Variants in NKAIN2 observed in about 807,000 individuals in gnomAD.
The protein encoded by NKAIN2 is sodium/potassium-transporting ATPase subunit beta-1-interacting protein 2.
Under a neutral mutation model 32.6 loss-of-function variants are expected in NKAIN2, and 14 were observed. The ratio of observed to expected loss-of-function variants is 0.43; its 90% confidence interval spans 0.28 to 0.67. The LOEUF (loss-of-function observed/expected upper bound fraction) is 0.67, where lower values mean the gene tolerates loss of function less well. Ranked by LOEUF, NKAIN2 falls within the 30% of genes least tolerant of loss-of-function variation. The probability of loss-of-function intolerance (pLI) is 0.17; values close to 1 mark genes in which losing one functional copy is unlikely to be tolerated. For synonymous variants in NKAIN2, 80 were observed against 87.2 expected (o/e 0.92, Z 0.46); for missense variants, 198 against 258.3 (o/e 0.77, Z 1.60).
intron 4 of NKAIN2, among the ~76,000 whole-genome samples, chr6:124,701,499 C>A (rs1268567066): frequency 6.6e-6 from 1 of 151,950 alleles, no homozygotes; most frequent in Non-Finnish European, 1.5e-5. Flanking sequence ...TTAAACAATA[C>A]AAACTGGCAC....
At chr6:124,701,878 C>A in intron 4 of NKAIN2, among the ~76,000 whole-genome samples, 1 of 151,990 alleles carries the variant, frequency 6.6e-6, no homozygotes, top group South Asian at 2.1e-4. Context: ...ATAAAGACAT[C>A]ACAAATTTTT....
chr6:124,752,581 G>T (rs1271758260), intron 4 of NKAIN2, among the ~76,000 whole-genome samples: 1 of 151,744 alleles, frequency 6.6e-6, no homozygotes, highest in Non-Finnish European at 1.5e-5. Flanking sequence ...CTGCATGTTT[G>T]GGGAGTGTAA....
At chr6:124,270,077 G>C (rs372134582) in intron 1 of NKAIN2, among the ~76,000 whole-genome samples, 14 of 152,148 alleles carry the variant, frequency 9.2e-5, no homozygotes, top group South Asian at 8.3e-4. Flanking sequence ...GGAGACAGAG[G>C]AGACACCAGC....
At chr6:124,348,505 C>T (rs1009146716) in intron 2 of NKAIN2, among the ~76,000 whole-genome samples, 1 of 152,234 alleles carries the variant, frequency 6.6e-6, no homozygotes. Context: ...AGCTTCCTGG[C>T]TGCTTTGTTT....
chr6:124,472,369 T>C (rs578234094), intron 3 of NKAIN2, among the ~76,000 whole-genome samples: 2 of 152,234 alleles, frequency 1.3e-5, no homozygotes, highest in East Asian at 1.9e-4. Context: ...ACATAGTATA[T>C]AGAGAGCAAA....
At chr6:124,168,458 G>A (rs1451533359) in intron 1 of NKAIN2, among the ~76,000 whole-genome samples, 1 of 152,002 alleles carries the variant, frequency 6.6e-6, no homozygotes, top group African/African-American at 2.4e-5. Flanking sequence ...ATGGAATATT[G>A]AAATATTAAA....
chr6:124,432,036 C>T (rs1277322689), intron 3 of NKAIN2, among the ~76,000 whole-genome samples: 5 of 152,130 alleles, frequency 3.3e-5, no homozygotes, highest in Non-Finnish European at 7.3e-5. Context: ...CTTTGTTAAA[C>T]TCCCTTCTTA....
At chr6:124,725,581 T>C (rs1776242641) in intron 4 of NKAIN2, among the ~76,000 whole-genome samples, 1 of 152,200 alleles carries the variant, frequency 6.6e-6, no homozygotes, top group Admixed American at 6.5e-5. Context: ...ACTTGGCCAT[T>C]ACATTTCCTT....
chr6:123,958,679 T>TAGCA (rs1777708426), intron 1 of NKAIN2, among the ~76,000 whole-genome samples: 1 of 152,238 alleles, frequency 6.6e-6, no homozygotes, highest in African/African-American at 2.4e-5. Flanking sequence ...CAGACCGTAA[T>TAGCA]AGCAAGCACT....
At chr6:124,155,648 G>C (rs577230216) in intron 1 of NKAIN2, among the ~76,000 whole-genome samples, 1 of 149,602 alleles carries the variant, frequency 6.7e-6, no homozygotes, top group Non-Finnish European at 1.5e-5. Flanking sequence ...ATTTTGATAT[G>C]ATTTAACAAT....
chr6:124,614,201 C>T (rs997978436), intron 3 of NKAIN2, among the ~76,000 whole-genome samples: 8 of 152,152 alleles, frequency 5.3e-5, no homozygotes. Context: ...CGAGACCAGC[C>T]TGGCCAACAT....
chr6:124,635,136 C>T (rs550329527), intron 3 of NKAIN2, among the ~76,000 whole-genome samples: 1 of 152,014 alleles, frequency 6.6e-6, no homozygotes, highest in African/African-American at 2.4e-5. Flanking sequence ...CTATGCACAG[C>T]ATGGCTATTC....
At chr6:124,144,056 T>C (rs1787270363) in intron 1 of NKAIN2, among the ~76,000 whole-genome samples, 1 of 152,194 alleles carries the variant, frequency 6.6e-6, no homozygotes, top group Non-Finnish European at 1.5e-5. Context: ...TGAAGACAAT[T>C]TAATGAAGAG....
chr6:124,771,210 A>G (rs1334224850), intron 4 of NKAIN2, among the ~76,000 whole-genome samples: 1 of 152,174 alleles, frequency 6.6e-6, no homozygotes, highest in Non-Finnish European at 1.5e-5. Context: ...AGTAGAACAA[A>G]AAGTGTTGTG....
At chr6:124,352,593 A>G (rs1046198483) in intron 2 of NKAIN2, among the ~76,000 whole-genome samples, 3 of 151,820 alleles carry the variant, frequency 2.0e-5, no homozygotes, top group African/African-American at 7.3e-5. Context: ...CTCATCAGCC[A>G]TTGCTGAAGT....
At chr6:124,605,909 T>C (rs908376373) in intron 3 of NKAIN2, among the ~76,000 whole-genome samples, 1 of 152,056 alleles carries the variant, frequency 6.6e-6, no homozygotes, top group Non-Finnish European at 1.5e-5. Flanking sequence ...GGAATTACTA[T>C]AGCAGAGAGC....
intron 3 of NKAIN2, among the ~76,000 whole-genome samples, chr6:124,627,916 A>T (rs1280211634): frequency 6.6e-6 from 1 of 152,078 alleles, no homozygotes; most frequent in Non-Finnish European, 1.5e-5. Flanking sequence ...ATACACTCTC[A>T]TGTACACTCA....
At chr6:124,348,146 C>T (rs987957555) in intron 2 of NKAIN2, among the ~76,000 whole-genome samples, 3 of 152,120 alleles carry the variant, frequency 2.0e-5, no homozygotes, top group South Asian at 2.1e-4. Flanking sequence ...TCTGCAGAAC[C>T]GTGGATTTTC....
intron 2 of NKAIN2, among the ~76,000 whole-genome samples, chr6:124,317,547 A>G (rs1048185342): frequency 6.6e-6 from 1 of 152,090 alleles, no homozygotes; most frequent in Non-Finnish European, 1.5e-5. Flanking sequence ...AAGATTGTCT[A>G]TATCACAATC....
Sources: gnomAD v4.1 joint callset for allele counts (sites outside exome capture counted in the v4.1 genomes callset) on GRCh38, gnomAD v4.1.1 for gene constraint, MANE v1.5 for transcripts, NCBI Gene and HGNC (gene_info 2026-07-23, HGNC 2026-07-21) for gene names.